The following GNA15 variants were observed in gnomAD, a reference collection of about 807,000 sequenced individuals.
GNA15 encodes the protein G protein subunit alpha 15.
Under a neutral mutation model 40.1 loss-of-function variants are expected in GNA15, and 23 were observed. That is an observed-to-expected ratio of 0.57 (90% CI 0.41 to 0.81). GNA15 has a LOEUF of 0.81. Ranked by LOEUF, GNA15 falls within the 40% of genes least tolerant of loss-of-function variation. The pLI, the probability that GNA15 is intolerant of heterozygous loss-of-function variation, is 0.00. For synonymous variants in GNA15, 226 were observed against 210.4 expected (o/e 1.07, Z -0.64); for missense variants, 522 against 515.8 (o/e 1.01, Z -0.12).
At position 3,136,375 on chromosome 19, in the gene GNA15, G is replaced by A. The variant is rs370588174; in HGVS notation, c.-76G>A. On this transcript the variant is annotated 5_prime_UTR_variant, in exon 1 of 7. Coordinates refer to ENST00000262958, the MANE Select transcript of GNA15 (RefSeq NM_002068.4). This position sits in a 1 kb window ranked among gnomAD's most constrained non-coding sequence, Gnocchi z 4.9. Reference sequence around the variant, plus strand: ...GTTGCCCGGAGCCCTCTCCAGGGCCGGCTGGGCTGGGGGTTGCCCTGGCCA... The same window carrying A: ...GTTGCCCGGAGCCCTCTCCAGGGCCAGCTGGGCTGGGGGTTGCCCTGGCCA... 6.3e-5 allele frequency: 91 copies of A among 1,455,488 alleles called. No individual in the cohort carries two copies. The East Asian group carries it at 8.9e-4, about 14-fold the overall frequency. The allele number at this position is 1,455,488 out of a possible 1,614,324, so 90.2% of individuals were successfully genotyped here. A position where few individuals can be genotyped will look rare whatever the true frequency, so the allele number is the denominator to read the frequency against.
In GNA15 at chr19:3,155,451, G is replaced by A. The variant is rs1456573111; in HGVS notation, c.615-372G>A. Among the ~76,000 whole-genome samples, 1 of 152,186 alleles carries A rather than the reference G, an allele frequency of 6.6e-6. No individual in the cohort carries two copies. The highest frequency in any genetic ancestry group is 1.5e-5 in the Non-Finnish European group (1 of 68,040). On this transcript the variant is annotated intron_variant, in intron 4 of 6. Coordinates refer to ENST00000262958, the MANE Select transcript of GNA15 (RefSeq NM_002068.4). This position sits in a 1 kb window ranked among gnomAD's most constrained non-coding sequence, Gnocchi z 5.6. ...CCAGCCAGAGCACAGGAGCCCCATA[G>A]CACAGATGGGAAAACTGAGTTTTGG...
At chr19:3,154,213 G>GTGGA (rs776821896) in intron 4 of GNA15, among the ~76,000 whole-genome samples, 3 of 145,836 alleles carry the variant, frequency 2.1e-5, no homozygotes, top group Non-Finnish European at 4.6e-5. Context: ...GGGTGGATGA[G>GTGGA]TGGATGGATG....
Position 3,151,209 on chromosome 19 carries a change from G to GGACCCTGTTCCTGGAGT in GNA15, c.486-483_486-467dup, listed in dbSNP as rs765497173. Among the ~76,000 whole-genome samples, 2 of 149,426 alleles carry GGACCCTGTTCCTGGAGT rather than the reference G, an allele frequency of 1.3e-5. No homozygotes were observed. Among genetic ancestry groups the GGACCCTGTTCCTGGAGT allele is most frequent in the East Asian group, 4.0e-4 (2 of 5,014 alleles). ...TTTCTGAGGGGACCCTATTCTGGGG[G>GGACCCTGTTCCTGGAGT]GACCCTGTTCCTGGAGTGACCCTGT... On this transcript the variant is annotated intron_variant, in intron 3 of 6. Transcript: ENST00000262958. The surrounding 1 kb of genome is among the most constrained non-coding windows in gnomAD (Gnocchi z 5.0).
chr19:3,158,385 C>T (rs1915076902), intron 6 of GNA15, among the ~76,000 whole-genome samples: 1 of 151,972 alleles, frequency 6.6e-6, no homozygotes, highest in African/African-American at 2.4e-5. Flanking sequence ...ATCACTTGAC[C>T]TCCTGATCCA....
At position 3,155,811 on chromosome 19, in the gene GNA15, G is replaced by A; in HGVS notation, c.615-12G>A. The A allele has an allele frequency of 2.5e-6, 4 of 1,611,468 alleles. No individual in the cohort carries two copies. The highest frequency in any genetic ancestry group is 3.4e-6 in the Non-Finnish European group (4 of 1,179,424). On this transcript the variant is annotated splice_polypyrimidine_tract_variant and intron_variant, in intron 4 of 6. Coordinates refer to ENST00000262958, the MANE Select transcript of GNA15 (RefSeq NM_002068.4). The surrounding 1 kb of genome is among the most constrained non-coding windows in gnomAD (Gnocchi z 5.6). Reference sequence around the variant, plus strand: ...CCTGAGCTCTGAAAGGGGGCACCTCGGTTCCCTGTAGGATCGTGGACGTCG... The same window carrying A: ...CCTGAGCTCTGAAAGGGGGCACCTCAGTTCCCTGTAGGATCGTGGACGTCG...
At chr19:3,156,827 C>G (rs1346380286) in intron 5 of GNA15, among the ~76,000 whole-genome samples, 2 of 152,104 alleles carry the variant, frequency 1.3e-5, no homozygotes, top group African/African-American at 4.8e-5. Context: ...CACCAGTCGT[C>G]TAGGATCAGG....
At chr19:3,149,051 A>G in intron 2 of GNA15, 1 of 424,824 alleles carries the variant, frequency 2.4e-6, no homozygotes, top group South Asian at 3.0e-5. Context: ...GTACATGCTC[A>G]CAAAGATACA....
chr19:3,136,968 G>T lies in GNA15; in HGVS notation c.145+373G>T, dbSNP rs1459413227. The stretch of plus-strand genomic sequence containing the variant: ...GCAACCCGTTCTGGCCAGCCCACCC[G>T]TAAGGGAGGGGCCGGCTCCAGCCTC... On this transcript the variant is annotated intron_variant, in intron 1 of 6. Coordinates refer to ENST00000262958, the MANE Select transcript of GNA15 (RefSeq NM_002068.4). This position sits in a 1 kb window ranked among gnomAD's most constrained non-coding sequence, Gnocchi z 4.9. Among the ~76,000 whole-genome samples, 2 of 152,166 alleles carry T rather than the reference G, an allele frequency of 1.3e-5. No individual in the cohort carries two copies. Among genetic ancestry groups the T allele is most frequent in the Non-Finnish European group, 2.9e-5 (2 of 68,020 alleles).
At chr19:3,138,605 C>T (rs1397469577) in intron 1 of GNA15, among the ~76,000 whole-genome samples, 1 of 151,926 alleles carries the variant, frequency 6.6e-6, no homozygotes, top group African/African-American at 2.4e-5. Context: ...CACTGGGGGC[C>T]CTTTCTTTCT....
chr19:3,149,038 C>CACAA (rs35799203), intron 2 of GNA15: 1 of 464,942 alleles, frequency 2.2e-6, no homozygotes, highest in Non-Finnish European at 3.9e-6. Flanking sequence ...CAAGGACACA[C>CACAA]ACGTACATGC....
intron 4 of GNA15, among the ~76,000 whole-genome samples, chr19:3,152,580 C>T (rs1292488902): frequency 6.6e-6 from 1 of 152,038 alleles, no homozygotes; most frequent in African/African-American, 2.4e-5. Flanking sequence ...CTAACCCTAA[C>T]CCAGCAGAGC....
At chr19:3,138,884 C>T (rs151066585) in intron 1 of GNA15, among the ~76,000 whole-genome samples, 2,826 of 149,572 alleles carry the variant, frequency 0.019, 81 homozygotes, top group African/African-American at 0.066. Context: ...GTGATCAACC[C>T]GCCTTGGCCT....
At position 3,148,724 on chromosome 19, in the gene GNA15, G is replaced by C. The variant is rs1265601037; in HGVS notation, c.279G>C (p.Met93Ile). 1 of 1,603,996 alleles carries C rather than the reference G, an allele frequency of 6.2e-7. No individual in the cohort carries two copies. Among genetic ancestry groups the C allele is most frequent in the Non-Finnish European group, 8.5e-7 (1 of 1,175,728 alleles). Residue 93 changes from methionine to isoleucine, a missense_variant, in exon 2 of 7, where the codon ATG becomes ATC. Physicochemically the swap from Met to Ile is conservative, Grantham distance 10. Coordinates refer to ENST00000262958, the MANE Select transcript of GNA15 (RefSeq NM_002068.4). ...ACATCTTCGTGTCCATGCGGGCCAT[G>C]ATCGAGGCCATGGAGCGGCTGCAGA... ...YQNIFVSMRAMIEAMERLQIP... is the reference protein window; with the variant it reads ...YQNIFVSMRAIIEAMERLQIP...
intron 5 of GNA15, among the ~76,000 whole-genome samples, chr19:3,156,864 T>C (rs968315852): frequency 5.9e-5 from 9 of 152,094 alleles, no homozygotes; most frequent in African/African-American, 2.2e-4. Flanking sequence ...TACGACCTCA[T>C]CTGGGTTAAT....
intron 1 of GNA15, among the ~76,000 whole-genome samples, chr19:3,143,510 G>A (rs1267886402): frequency 6.6e-6 from 1 of 152,024 alleles, no homozygotes; most frequent in Non-Finnish European, 1.5e-5. Context: ...AAATTAGCCG[G>A]ACACGGTGGT....
intron 2 of GNA15, 33 bp from the exon 3 acceptor site, chr19:3,150,098 G>C (rs201778905): frequency 1.0e-5 from 16 of 1,601,702 alleles, no homozygotes; most frequent in Middle Eastern, 1.7e-4. Context: ...ACTCAGAAAG[G>C]CTACCCTAAC....
chr19:3,147,865 G>A (rs1193194395), intron 1 of GNA15, among the ~76,000 whole-genome samples: 1 of 142,260 alleles, frequency 7.0e-6, no homozygotes, highest in African/African-American at 2.6e-5. Flanking sequence ...TCCAGCCTGG[G>A]TGACAGAGCA....
intron 1 of GNA15, among the ~76,000 whole-genome samples, chr19:3,141,317 A>G (rs921891372): frequency 6.6e-6 from 1 of 152,192 alleles, no homozygotes; most frequent in African/African-American, 2.4e-5. Flanking sequence ...AGAAAAGAAA[A>G]GAAAGTGAAC....
chr19:3,142,908 A>G (rs1205647352), intron 1 of GNA15, among the ~76,000 whole-genome samples: 1 of 151,440 alleles, frequency 6.6e-6, no homozygotes, highest in Non-Finnish European at 1.5e-5. Context: ...AAAAAAAAGG[A>G]AGAAGAAGAT....
Sources: gnomAD v4.1 joint callset for allele counts (sites outside exome capture counted in the v4.1 genomes callset) on GRCh38, gnomAD v4.1.1 for gene constraint, Gnocchi (gnomAD v3.1) non-coding constraint, MANE v1.5 for transcripts, NCBI Gene and HGNC (gene_info 2026-07-23, HGNC 2026-07-21) for gene names.